SGCZ: variants seen among roughly 807,000 people sequenced by gnomAD.
SGCZ encodes the protein zeta-sarcoglycan.
In SGCZ, 40 loss-of-function variants were observed where a neutral mutation model predicts 41.3. That is an observed-to-expected ratio of 0.97 (90% CI 0.75 to 1.26). The LOEUF is 1.26. Ranked by LOEUF, SGCZ falls within the 50% of genes most tolerant of loss-of-function variation. The probability of loss-of-function intolerance (pLI) is 0.00; values close to 1 mark genes in which losing one functional copy is unlikely to be tolerated. For synonymous variants in SGCZ, 206 were observed against 137.5 expected, an observed-to-expected ratio of 1.50 and a Z score of -3.49; for missense variants, 552 against 369.8, an observed-to-expected ratio of 1.49 and a Z score of -4.04.
At chr8:14,476,409 G>C (rs1448676708) in intron 2 of SGCZ, among the ~76,000 whole-genome samples, 1 of 151,890 alleles carries the variant, frequency 6.6e-6, no homozygotes, top group Non-Finnish European at 1.5e-5. Context: ...ATTTCTATAT[G>C]TCTTGCTGAG....
At chr8:15,055,879 G>A (rs1268733516) in intron 1 of SGCZ, among the ~76,000 whole-genome samples, 1 of 152,172 alleles carries the variant, frequency 6.6e-6, no homozygotes, top group East Asian at 1.9e-4. Flanking sequence ...CTGCCTGAAA[G>A]TCCAGTTCCC....
intron 5 of SGCZ, among the ~76,000 whole-genome samples, chr8:14,142,156 AG>A (rs1803390571): frequency 6.6e-6 from 1 of 152,052 alleles, no homozygotes; most frequent in East Asian, 1.9e-4. Context: ...ATCACACACC[AG>A]GGCCTGTCGA....
intron 1 of SGCZ, among the ~76,000 whole-genome samples, chr8:14,581,144 G>C (rs1466606650): frequency 6.6e-6 from 1 of 152,088 alleles, no homozygotes; most frequent in Non-Finnish European, 1.5e-5. Context: ...GTCTCGTTCT[G>C]TCACCCAGGC....
In SGCZ at chr8:14,648,440, T is replaced by C. The variant is rs58521590; in HGVS notation, c.40-93514A>G. On this transcript the variant is annotated intron_variant, in intron 1 of 7. Transcript: ENST00000382080. Reference sequence around the variant, plus strand: ...ATTTGGATCAAACAAACAAACCAAATATAATGGAGCAATATTTCACTGAAT... The same window carrying C: ...ATTTGGATCAAACAAACAAACCAAACATAATGGAGCAATATTTCACTGAAT... 4.0e-3 allele frequency among the ~76,000 whole-genome samples: 613 copies of C among 152,178 alleles called. 5 individuals carry two copies. The highest frequency in any genetic ancestry group is 0.012 in the African/African-American group (504 of 41,554).
intron 4 of SGCZ, among the ~76,000 whole-genome samples, chr8:14,181,478 G>A (rs756591934): frequency 4.6e-5 from 7 of 152,198 alleles, no homozygotes; most frequent in Non-Finnish European, 1.5e-5. Context: ...AATCAACAGA[G>A]AACCAACATA....
intron 1 of SGCZ, among the ~76,000 whole-genome samples, chr8:14,679,685 T>C (rs1354052093): frequency 6.6e-6 from 1 of 150,916 alleles, no homozygotes. Flanking sequence ...TGAAGAAAAA[T>C]ATTCTCATAA....
chr8:14,780,885 C>G (rs529429365), intron 1 of SGCZ, among the ~76,000 whole-genome samples: 1 of 152,064 alleles, frequency 6.6e-6, no homozygotes, highest in South Asian at 2.1e-4. Context: ...AAAAGAAACA[C>G]TTAAAAAAAG....
intron 2 of SGCZ, among the ~76,000 whole-genome samples, chr8:14,340,647 T>G (rs1184315512): frequency 2.0e-5 from 3 of 152,146 alleles, no homozygotes; most frequent in African/African-American, 7.2e-5. Context: ...TGTTCAAAAG[T>G]AACTAGAGAG....
chr8:14,927,773 T>C (rs914887657), intron 1 of SGCZ, among the ~76,000 whole-genome samples: 2 of 152,210 alleles, frequency 1.3e-5, no homozygotes, highest in African/African-American at 4.8e-5. Flanking sequence ...TGACTCGGCA[T>C]GGTCTTGCCT....
At chr8:14,198,487 A>G (rs1805349435) in intron 4 of SGCZ, among the ~76,000 whole-genome samples, 1 of 152,172 alleles carries the variant, frequency 6.6e-6, no homozygotes, top group Non-Finnish European at 1.5e-5. Flanking sequence ...TACCTATTGA[A>G]TAGTATGCAA....
At chr8:14,378,450 G>A (rs557719338) in intron 2 of SGCZ, among the ~76,000 whole-genome samples, 1 of 152,294 alleles carries the variant, frequency 6.6e-6, no homozygotes, top group Admixed American at 6.5e-5. Flanking sequence ...AAACTTAAGA[G>A]CTTCTGTACA....
At chr8:14,398,222 G>C (rs1328140319) in intron 2 of SGCZ, among the ~76,000 whole-genome samples, 1 of 152,144 alleles carries the variant, frequency 6.6e-6, no homozygotes, top group African/African-American at 2.4e-5. Context: ...TTAGCTTTTG[G>C]AAGGTGGGAG....
At chr8:14,987,693 C>T (rs1801872313) in intron 1 of SGCZ, among the ~76,000 whole-genome samples, 2 of 151,922 alleles carry the variant, frequency 1.3e-5, no homozygotes, top group East Asian at 1.9e-4. Context: ...CTGGAAGAAA[C>T]TTACCTGCAT....
In SGCZ at chr8:14,256,069, C is replaced by T. The variant is rs140420872; in HGVS notation, c.337-18390G>A. ...TTGCTTGATATACCTCTTATTTTCT[C>T]TTGAAGACCTACTTTGTTTAATAGA... On this transcript the variant is annotated intron_variant, in intron 3 of 7. Transcript: ENST00000382080. 6.9e-3 allele frequency among the ~76,000 whole-genome samples: 1,051 copies of T among 152,154 alleles called. 4 individuals carry two copies. The highest frequency in any genetic ancestry group is 6.4e-3 in the Non-Finnish European group (438 of 67,944).
chr8:14,157,346 G>C (rs978004266), intron 5 of SGCZ, among the ~76,000 whole-genome samples: 1 of 128,524 alleles, frequency 7.8e-6, no homozygotes, highest in Admixed American at 8.3e-5. Context: ...CTGTGTGTGT[G>C]TGTGTGTGTG....
intron 3 of SGCZ, among the ~76,000 whole-genome samples, chr8:14,284,684 G>A (rs1800564486): frequency 6.6e-6 from 1 of 151,808 alleles, no homozygotes; most frequent in Non-Finnish European, 1.5e-5. Context: ...GATTGATCCT[G>A]TTATTTTCTG....
At chr8:14,189,173 T>C (rs1014071630) in intron 4 of SGCZ, among the ~76,000 whole-genome samples, 3 of 152,088 alleles carry the variant, frequency 2.0e-5, no homozygotes. Flanking sequence ...TTGTGTCTTC[T>C]TTGTCAAAAC....
chr8:14,622,150 C>T (rs1806307383), intron 1 of SGCZ, among the ~76,000 whole-genome samples: 1 of 152,066 alleles, frequency 6.6e-6, no homozygotes, highest in African/African-American at 2.4e-5. Flanking sequence ...ATGGGAGAAG[C>T]TAGGAAAGGT....
At chr8:15,092,736 T>C (rs1806199167) in intron 1 of SGCZ, among the ~76,000 whole-genome samples, 1 of 152,216 alleles carries the variant, frequency 6.6e-6, no homozygotes, top group African/African-American at 2.4e-5. Flanking sequence ...AATCTTATTT[T>C]AATATCTCTC....
Sources: allele counts gnomAD v4.1 joint callset (sites outside exome capture counted in the v4.1 genomes callset), GRCh38; gene constraint gnomAD v4.1.1; transcripts MANE v1.5; gene names NCBI Gene and HGNC (gene_info 2026-07-23, HGNC 2026-07-21).